The following TENM2 variants were observed in gnomAD, a reference collection of about 807,000 sequenced individuals.
TENM2 encodes teneurin transmembrane protein 2.
In TENM2, 52 loss-of-function variants were observed where a neutral mutation model predicts 245.2. That is an observed-to-expected ratio of 0.21 (90% CI 0.17 to 0.27). The LOEUF (loss-of-function observed/expected upper bound fraction) is 0.27, where lower values mean the gene tolerates loss of function less well. Ranked by LOEUF, TENM2 falls within the 10% of genes least tolerant of loss-of-function variation. The probability of loss-of-function intolerance (pLI) is 1.00; values close to 1 mark genes in which losing one functional copy is unlikely to be tolerated. For synonymous variants in TENM2, 1,363 were observed against 1,438.9 expected, an observed-to-expected ratio of 0.95 and a Z score of 1.19; for missense variants, 3,046 against 3,666.8, an observed-to-expected ratio of 0.83 and a Z score of 4.37.
chr5:167,375,605 G>GCTCACAC, intron 2 of TENM2, 132 bp downstream of exon 4: 2 of 946,530 alleles, frequency 2.1e-6, no homozygotes, highest in Non-Finnish European at 3.1e-6. Flanking sequence ...TGTCTACCCA[G>GCTCACAC]TGTGAGCTGG....
At chr5:167,670,445 T>A (rs1440931594) in intron 2 of TENM2, among the ~76,000 whole-genome samples, 2 of 152,188 alleles carry the variant, frequency 1.3e-5, no homozygotes, top group Admixed American at 1.3e-4. Flanking sequence ...TTTGGCCAGA[T>A]ATTTATTCTC....
intron 3 of TENM2, chr5:167,934,771 C>T: frequency 1.3e-6 from 1 of 766,068 alleles, no homozygotes; most frequent in Non-Finnish European, 1.6e-6. Context: ...AAACTCGGCT[C>T]CAGCCCATTC....
chr5:168,035,466 C>G (rs554823578), intron 5 of TENM2, among the ~76,000 whole-genome samples: 2 of 141,222 alleles, frequency 1.4e-5, no homozygotes, highest in Non-Finnish European at 3.0e-5. Flanking sequence ...TGCTGCAATA[C>G]AGCCTGGGCG....
intron 2 of TENM2, among the ~76,000 whole-genome samples, chr5:167,498,890 C>T (rs554284924): frequency 1.3e-5 from 2 of 152,148 alleles, no homozygotes; most frequent in East Asian, 3.9e-4. Context: ...GGGGAATTAT[C>T]TTATAAAAAC....
intron 2 of TENM2, among the ~76,000 whole-genome samples, chr5:167,446,094 A>C (rs1765190581): frequency 6.6e-6 from 1 of 152,162 alleles, no homozygotes; most frequent in South Asian, 2.1e-4. Flanking sequence ...GTTTCCGGGT[A>C]ATCACTTGTT....
chr5:167,195,674 A>G, the TENM2 span, among the ~76,000 whole-genome samples: 3 of 152,026 alleles, frequency 2.0e-5, no homozygotes, highest in African/African-American at 7.2e-5. Flanking sequence ...TATAAATAAG[A>G]GCTATTATTA....
intron 2 of TENM2, among the ~76,000 whole-genome samples, chr5:167,508,881 G>C (rs28651579): frequency 6.6e-6 from 1 of 152,024 alleles, no homozygotes; most frequent in African/African-American, 2.4e-5. Context: ...GTGCAATGGC[G>C]TGATCACAGC....
chr5:167,185,015 C>T, the TENM2 span, among the ~76,000 whole-genome samples: 1 of 152,284 alleles, frequency 6.6e-6, no homozygotes, highest in East Asian at 1.9e-4. Flanking sequence ...TGACAGGGGG[C>T]AGAACTCAGC....
intron 5 of TENM2, among the ~76,000 whole-genome samples, chr5:168,016,167 G>A (rs1310180006): frequency 1.3e-5 from 2 of 152,132 alleles, no homozygotes; most frequent in Non-Finnish European, 2.9e-5. Context: ...ACAACCCTAT[G>A]GGATTGTACT....
chr5:168,080,733 G>T (rs527451843), intron 7 of TENM2, among the ~76,000 whole-genome samples: 41 of 152,230 alleles, frequency 2.7e-4, no homozygotes, highest in African/African-American at 9.9e-4. Context: ...CCATGTAGTT[G>T]AGCGATTCTG....
chr5:167,073,565 A>G, the TENM2 span, among the ~76,000 whole-genome samples: 7 of 152,066 alleles, frequency 4.6e-5, no homozygotes, highest in African/African-American at 1.7e-4. Flanking sequence ...TCCCAACCCA[A>G]TTGAATGACT....
chr5:167,265,027 G>T, the TENM2 span, among the ~76,000 whole-genome samples: 1 of 152,016 alleles, frequency 6.6e-6, no homozygotes, highest in Non-Finnish European at 1.5e-5. Context: ...AAGCCATGTG[G>T]ATAAAGGAAA....
rs1444426223 is a variant in TENM2, at chr5:167,316,199, A to C, written c.226+31136A>C. Among the ~76,000 whole-genome samples, 4 of 152,230 alleles carry C rather than the reference A, an allele frequency of 2.6e-5. No homozygotes were observed. The East Asian group carries it at 7.7e-4, about 29-fold the overall frequency. On this transcript the variant is annotated intron_variant, in intron 1 of 28. Coordinates refer to ENST00000518659, the Ensembl canonical transcript of TENM2. Reference sequence around the variant, plus strand: ...AAGAATGTAAGCTTCATAAAGGCAGAGATATGTACTGTATCCCTACAACTT... The same window carrying C: ...AAGAATGTAAGCTTCATAAAGGCAGCGATATGTACTGTATCCCTACAACTT...
the TENM2 span, among the ~76,000 whole-genome samples, chr5:167,210,613 G>A: frequency 3.3e-5 from 5 of 151,460 alleles, no homozygotes; most frequent in Admixed American, 1.3e-4. Context: ...ACAGGCGCCC[G>A]CCACCGCGCC....
At chr5:167,921,259 A>C (rs1280502690) in intron 3 of TENM2, among the ~76,000 whole-genome samples, 1 of 152,192 alleles carries the variant, frequency 6.6e-6, no homozygotes, top group Non-Finnish European at 1.5e-5. Flanking sequence ...TTACATTTGG[A>C]TGTGCAAGGA....
chr5:167,132,161 G>A, the TENM2 span, among the ~76,000 whole-genome samples: 1 of 152,038 alleles, frequency 6.6e-6, no homozygotes, highest in Non-Finnish European at 1.5e-5. Context: ...TGTTTTTGCT[G>A]CTGCTTTGCT....
At chr5:167,830,482 T>TA (rs1768370201) in intron 2 of TENM2, among the ~76,000 whole-genome samples, 1 of 152,232 alleles carries the variant, frequency 6.6e-6, no homozygotes, top group African/African-American at 2.4e-5. Context: ...TTGTAATTAA[T>TA]ATCCTAAGCA....
At chr5:167,271,535 A>G in the TENM2 span, among the ~76,000 whole-genome samples, 1 of 152,192 alleles carries the variant, frequency 6.6e-6, no homozygotes, top group African/African-American at 2.4e-5. Flanking sequence ...AAGAATACAC[A>G]CAAACACATA....
intron 2 of TENM2, among the ~76,000 whole-genome samples, chr5:167,523,371 T>A (rs992669355): frequency 1.3e-5 from 2 of 152,148 alleles, no homozygotes; most frequent in Non-Finnish European, 2.9e-5. Context: ...TGGCTGATGG[T>A]TGCACACAGG....
Sources: gnomAD v4.1 joint callset for allele counts (sites outside exome capture counted in the v4.1 genomes callset) on GRCh38, gnomAD v4.1.1 for gene constraint, MANE v1.5 for transcripts, NCBI Gene and HGNC (gene_info 2026-07-23, HGNC 2026-07-21) for gene names.